The following LUZP2 variants were observed in gnomAD, a reference collection of about 807,000 sequenced individuals.
LUZP2 encodes leucine zipper protein 2.
A neutral mutation model predicts 51.6 loss-of-function variants in LUZP2; 52 were observed. That is an observed-to-expected ratio of 1.01 (90% CI 0.81 to 1.27). LUZP2 has a LOEUF of 1.27. Ranked by LOEUF, LUZP2 falls within the 50% of genes most tolerant of loss-of-function variation. The probability of loss-of-function intolerance (pLI) is 0.00; values close to 1 mark genes in which losing one functional copy is unlikely to be tolerated. For missense variants in LUZP2, 436 were observed against 395.4 expected, an observed-to-expected ratio of 1.10 and a Z score of -0.87; for synonymous variants, 154 against 137.3, an observed-to-expected ratio of 1.12 and a Z score of -0.85.
intron 1 of LUZP2, among the ~76,000 whole-genome samples, chr11:24,515,697 T>G (rs1850443380): frequency 6.6e-6 from 1 of 152,086 alleles, no homozygotes; most frequent in African/African-American, 2.4e-5. Context: ...AATAGCAATG[T>G]GAAAGGTGCT....
rs181526238 is a variant in LUZP2 at position 24,691,496 on chromosome 11, A to G, written c.63-37673A>G. Among the ~76,000 whole-genome samples the G allele has an allele frequency of 1.8e-4, 26 of 148,124 alleles. No individual in the cohort carries two copies. The East Asian group carries it at 5.1e-3, about 29-fold the overall frequency. ...ATTCTGTTTTTTTTTTTTTCAAAGT[A>G]ACCCCTGTATTTCAAGACCCACCAA... On this transcript the variant is annotated intron_variant, in intron 1 of 11. Transcript: ENST00000336930.
rs563918664 is a variant in LUZP2, at chr11:24,634,342, A to G, written c.63-94827A>G. Among the ~76,000 whole-genome samples the G allele has an allele frequency of 2.6e-5, 4 of 152,206 alleles. No individual in the cohort carries two copies. In the South Asian group the frequency reaches 8.3e-4, roughly 31 times the overall value. On this transcript the variant is annotated intron_variant, in intron 1 of 11. Transcript: ENST00000336930. ...CATAATCAGATACAAACATTATGGT[A>G]GAGGTCCTAAACTGGTAGCTCCCAT... is the stretch of plus-strand genomic sequence containing the variant.
intron 1 of LUZP2, among the ~76,000 whole-genome samples, chr11:24,619,826 C>A (rs190077042): frequency 3.3e-5 from 5 of 152,140 alleles, no homozygotes; most frequent in African/African-American, 1.2e-4. Flanking sequence ...AAAGTCTATA[C>A]GTGTTCAGTA....
chr11:24,502,781 A>G (rs1331347864), intron 1 of LUZP2, among the ~76,000 whole-genome samples: 1 of 152,200 alleles, frequency 6.6e-6, no homozygotes, highest in Non-Finnish European at 1.5e-5. Flanking sequence ...TTTAGCATAA[A>G]AGTGAATATT....
intron 1 of LUZP2, among the ~76,000 whole-genome samples, chr11:24,548,523 G>A (rs951604865): frequency 9.2e-5 from 14 of 152,016 alleles, no homozygotes; most frequent in Non-Finnish European, 1.6e-4. Context: ...GCACAAAGAA[G>A]GGAGCAATAG....
At chr11:24,856,018 G>A (rs1851554495) in intron 5 of LUZP2, among the ~76,000 whole-genome samples, 1 of 151,980 alleles carries the variant, frequency 6.6e-6, no homozygotes, top group Non-Finnish European at 1.5e-5. Context: ...AAGAAATCCA[G>A]GAAAACTCCT....
intron 9 of LUZP2, among the ~76,000 whole-genome samples, chr11:25,045,667 A>C (rs557701467): frequency 6.6e-6 from 1 of 152,254 alleles, no homozygotes; most frequent in African/African-American, 2.4e-5. Flanking sequence ...ATTTTTAGGA[A>C]TTTACTGAAT....
intron 5 of LUZP2, among the ~76,000 whole-genome samples, chr11:24,807,198 G>A (rs1390713566): frequency 6.6e-6 from 1 of 152,110 alleles, no homozygotes; most frequent in Non-Finnish European, 1.5e-5. Context: ...GCTCACGCCT[G>A]TAATCCCAGC....
chr11:24,590,700 A>T, intron 1 of LUZP2, among the ~76,000 whole-genome samples: 1 of 152,172 alleles, frequency 6.6e-6, no homozygotes, highest in East Asian at 1.9e-4. Context: ...GCAGCACTTC[A>T]AAAAGGTAGC....
At chr11:24,963,534 C>A (rs10219269) in intron 7 of LUZP2, among the ~76,000 whole-genome samples, 13,636 of 152,192 alleles carry the variant, frequency 0.09, 2,044 homozygotes, top group African/African-American at 0.3. Context: ...GTGCTAGCAA[C>A]CAGCGAGACT....
chr11:24,896,369 C>G (rs1023486975), intron 5 of LUZP2, among the ~76,000 whole-genome samples: 1 of 152,144 alleles, frequency 6.6e-6, no homozygotes. Flanking sequence ...CTCAGCGGTC[C>G]CCACACTTGG....
intron 9 of LUZP2, among the ~76,000 whole-genome samples, chr11:25,030,237 ATATT>A (rs1857606175): frequency 6.6e-6 from 1 of 152,180 alleles, no homozygotes; most frequent in Non-Finnish European, 1.5e-5. Flanking sequence ...TTTTCACTGA[ATATT>A]TATTTCAAGG....
chr11:24,958,673 G>T (rs1195250317), intron 7 of LUZP2, among the ~76,000 whole-genome samples: 3 of 151,986 alleles, frequency 2.0e-5, no homozygotes, highest in East Asian at 3.9e-4. Context: ...AGATGAGTAG[G>T]TTGTGAAAAT....
intron 10 of LUZP2, among the ~76,000 whole-genome samples, chr11:25,076,758 T>A (rs1251591774): frequency 5.2e-4 from 79 of 151,220 alleles, no homozygotes; most frequent in African/African-American, 1.9e-3. Context: ...TAATTTATTT[T>A]TTTTTTTCCA....
At chr11:24,813,947 G>A (rs756241767) in intron 5 of LUZP2, among the ~76,000 whole-genome samples, 20 of 152,174 alleles carry the variant, frequency 1.3e-4, no homozygotes, top group Admixed American at 2.6e-4. Context: ...TGTGCAAACC[G>A]GAAATAATAA....
chr11:24,633,637 T>C (rs1365846850), intron 1 of LUZP2, among the ~76,000 whole-genome samples: 1 of 151,982 alleles, frequency 6.6e-6, no homozygotes, highest in Non-Finnish European at 1.5e-5. Context: ...TTTAAAATAA[T>C]CACAATTTAC....
At chr11:24,882,913 G>A (rs12271556) in intron 5 of LUZP2, among the ~76,000 whole-genome samples, 2 of 138,742 alleles carry the variant, frequency 1.4e-5, no homozygotes, top group African/African-American at 2.8e-5. Context: ...GAGAAAGAAA[G>A]AAGAAAGAAA....
At chr11:24,647,509 T>G (rs2133956220) in intron 1 of LUZP2, among the ~76,000 whole-genome samples, 1 of 152,092 alleles carries the variant, frequency 6.6e-6, no homozygotes, top group South Asian at 2.1e-4. Flanking sequence ...TGGAAATTAT[T>G]TTCTTTCATG....
intron 1 of LUZP2, among the ~76,000 whole-genome samples, chr11:24,715,261 C>CTGTG (rs1220899685): frequency 6.7e-4 from 49 of 73,592 alleles, no homozygotes; most frequent in African/African-American, 2.0e-3. Flanking sequence ...CAAGGAGCAA[C>CTGTG]TATGTGTGTG....
Sources: allele counts gnomAD v4.1 joint callset (sites outside exome capture counted in the v4.1 genomes callset), GRCh38; gene constraint gnomAD v4.1.1; transcripts MANE v1.5; gene names NCBI Gene and HGNC (gene_info 2026-07-23, HGNC 2026-07-21).